CR1: variants seen among roughly 807,000 people sequenced by gnomAD.
CR1 encodes complement receptor type 1.
In CR1, 116 loss-of-function variants were observed where a neutral mutation model predicts 187.3. The observed-to-expected ratio is 0.62, with a 90% CI of 0.53 to 0.72. The LOEUF (loss-of-function observed/expected upper bound fraction) is 0.72, where lower values mean the gene tolerates loss of function less well. CR1 is among the 30% of genes least tolerant of loss of function. The pLI is 0.00. For missense variants in CR1, 1,731 were observed against 2,110.7 expected, an observed-to-expected ratio of 0.82 and a Z score of 3.52; for synonymous variants, 576 against 747.1, an observed-to-expected ratio of 0.77 and a Z score of 3.73.
chr1:207,577,080 A>G (rs1382116731), intron 28 of CR1, among the ~76,000 whole-genome samples: 2 of 152,006 alleles, frequency 1.3e-5, no homozygotes, highest in Non-Finnish European at 2.9e-5. Flanking sequence ...GTGAAACCCC[A>G]TCTCTACTAA....
intron 46 of CR1, among the ~76,000 whole-genome samples, chr1:207,638,170 C>A (rs2102424201): frequency 6.6e-6 from 1 of 152,266 alleles, no homozygotes; most frequent in East Asian, 1.9e-4. Context: ...TCAACTATGG[C>A]CTGTCTGTGG....
At chr1:207,566,016 T>C in intron 24 of CR1, 93 bp downstream of exon 24, 1 of 1,497,298 alleles carries the variant, frequency 6.7e-7, no homozygotes, top group Non-Finnish European at 9.2e-7. Context: ...TCTTCAATAT[T>C]CTAGTCTTAA....
At chr1:207,628,750 T>A (rs1662557489) in intron 45 of CR1, among the ~76,000 whole-genome samples, 1 of 152,244 alleles carries the variant, frequency 6.6e-6, no homozygotes, top group Admixed American at 6.5e-5. Context: ...TTTTCCTTTT[T>A]TCTTTCAATA....
Position 207,577,964 on chromosome 1 carries a change from C to T in CR1, c.4697C>T (p.Thr1566Ile). Reference sequence around the variant, plus strand: ...GTGGGTGAGCCCTCCATATACTGCACCAGCAATGACGATCAAGTGGGCATC... The same window carrying T: ...GTGGGTGAGCCCTCCATATACTGCATCAGCAATGACGATCAAGTGGGCATC... ...ELVGEPSIYCTSNDDQVGIWS... is the reference protein window; with the variant it reads ...ELVGEPSIYCISNDDQVGIWS... The change falls in exon 29 of 47, where the codon ACC becomes ATC. Residue 1566 changes from threonine to isoleucine, a missense_variant. Coordinates refer to ENST00000367049, the MANE Select transcript of CR1 (RefSeq NM_000651.6). The T allele has an allele frequency of 6.2e-7, 1 of 1,611,938 alleles. No homozygotes were observed. The highest frequency in any genetic ancestry group is 8.5e-7 in the Non-Finnish European group (1 of 1,179,722).
chr1:207,498,870 T>A (rs1208770577), intron 1 of CR1, among the ~76,000 whole-genome samples: 4 of 3,468 alleles, frequency 1.2e-3, no homozygotes, highest in African/African-American at 2.7e-3. Context: ...AGAGCGCAAC[T>A]CCAAATCAAA....
intron 41 of CR1, among the ~76,000 whole-genome samples, chr1:207,617,223 C>T (rs1662125954): frequency 6.6e-6 from 1 of 151,898 alleles, no homozygotes; most frequent in Non-Finnish European, 1.5e-5. Flanking sequence ...TACTTCAGAA[C>T]TGATAACGCT....
At chr1:207,512,474 A>T (rs547570009) in intron 4 of CR1, among the ~76,000 whole-genome samples, 122 of 152,356 alleles carry the variant, frequency 8.0e-4, no homozygotes, top group African/African-American at 2.6e-3. Context: ...TTTATTAAAA[A>T]ATAATACACC....
Position 207,582,058 on chromosome 1 carries a change from A to C in CR1, c.5302+55A>C. ...GATCTTTCTGTTTTTTTCTTAATAT[A>C]GTTTGCCCCATGGGATTATCTATTG... On this transcript the variant is annotated intron_variant, in intron 32 of 46. Transcript: ENST00000367049. 3.0e-6 allele frequency: 4 copies of C among 1,320,974 alleles called. No homozygotes were observed. In the South Asian group the frequency reaches 5.1e-5, roughly 17 times the overall value. The allele number at this position is 1,320,974 out of a possible 1,614,324, so 81.8% of individuals were successfully genotyped here. A position where few individuals can be genotyped will look rare whatever the true frequency, so the allele number is the denominator to read the frequency against.
chr1:207,621,532 G>C (rs1443045872), intron 43 of CR1, among the ~76,000 whole-genome samples: 1 of 152,044 alleles, frequency 6.6e-6, no homozygotes, highest in Non-Finnish European at 1.5e-5. Flanking sequence ...GGTTTCATGA[G>C]ACAGAAACCT....
At chr1:207,597,709 A>G (rs1219918448) in intron 35 of CR1, among the ~76,000 whole-genome samples, 3 of 152,248 alleles carry the variant, frequency 2.0e-5, no homozygotes, top group Non-Finnish European at 4.4e-5. Flanking sequence ...AAAGTTAAAC[A>G]TAGAATTACC....
At chr1:207,636,128 T>G (rs981085089) in intron 46 of CR1, among the ~76,000 whole-genome samples, 3 of 151,082 alleles carry the variant, frequency 2.0e-5, no homozygotes, top group Non-Finnish European at 4.4e-5. Context: ...TCTCGATGGT[T>G]GCTGTCTCTT....
At chr1:207,521,656 AG>A (rs1405318953) in intron 4 of CR1, among the ~76,000 whole-genome samples, 5 of 97,116 alleles carry the variant, frequency 5.1e-5, no homozygotes, top group African/African-American at 2.0e-4. Context: ...TTTTTGAGAC[AG>A]GGTCTCACTT....
chr1:207,594,778 C>T (rs1320039183), intron 35 of CR1, among the ~76,000 whole-genome samples: 1 of 152,172 alleles, frequency 6.6e-6, no homozygotes, highest in Middle Eastern at 3.2e-3. Flanking sequence ...ACGATTTAAA[C>T]TGCTTTTCAC....
At chr1:207,603,517 A>G (rs974261515) in intron 35 of CR1, among the ~76,000 whole-genome samples, 1 of 152,070 alleles carries the variant, frequency 6.6e-6, no homozygotes, top group Non-Finnish European at 1.5e-5. Flanking sequence ...TATAGTCCCC[A>G]CTTTTTCTCC....
intron 35 of CR1, among the ~76,000 whole-genome samples, chr1:207,599,482 C>T (rs1313813526): frequency 6.6e-6 from 1 of 152,198 alleles, no homozygotes; most frequent in Non-Finnish European, 1.5e-5. Flanking sequence ...TTCTTAGCTA[C>T]TAATCCCACT....
At position 207,616,799 on chromosome 1, in the gene CR1, G is replaced by C; in HGVS notation, c.6886G>C (p.Ala2296Pro). The stretch of plus-strand genomic sequence containing the variant: ...CCCTCGCTGTGAACTTTCTGTTCCT[G>C]CTGGTTAGTACCTGCTTCCACATAT... Reference protein sequence around the residue: ...PAPRCELSVPAACPHPPKIQN... With the variant: ...PAPRCELSVPPACPHPPKIQN... Residue 2296 changes from alanine to proline, a missense_variant, in exon 41 of 47, where the codon GCT becomes CCT. Ala to Pro is a conservative substitution (Grantham distance 27). Coordinates refer to ENST00000367049, the MANE Select transcript of CR1 (RefSeq NM_000651.6). 6.2e-7 allele frequency: 1 copy of C among 1,613,880 alleles called. No homozygotes were observed. The highest frequency in any genetic ancestry group is 8.5e-7 in the Non-Finnish European group (1 of 1,179,830).
intron 35 of CR1, among the ~76,000 whole-genome samples, chr1:207,602,884 G>T (rs1661644503): frequency 6.6e-6 from 1 of 151,768 alleles, no homozygotes; most frequent in Non-Finnish European, 1.5e-5. Flanking sequence ...ATATAAGGAG[G>T]AAAAATACCA....
At chr1:207,588,573 A>G (rs753602135) in intron 34 of CR1, 102 bp from the exon 35 acceptor site, 11 of 745,022 alleles carry the variant, frequency 1.5e-5, no homozygotes, top group Non-Finnish European at 2.3e-5. Context: ...CCATGAAACA[A>G]TTGGAACTGT....
At chr1:207,506,494 G>A (rs747426314) in intron 2 of CR1, among the ~76,000 whole-genome samples, 1 of 152,196 alleles carries the variant, frequency 6.6e-6, no homozygotes, top group African/African-American at 2.4e-5. Context: ...TTTTCTGGGA[G>A]GCATAATATG....
Sources: allele counts gnomAD v4.1 joint callset (sites outside exome capture counted in the v4.1 genomes callset), GRCh38; gene constraint gnomAD v4.1.1; transcripts MANE v1.5; gene names NCBI Gene and HGNC (gene_info 2026-07-23, HGNC 2026-07-21).